MPP3: variants seen among roughly 807,000 people sequenced by gnomAD.
MPP3 encodes the protein MAGUK p55 subfamily member 3.
MPP3 carries 48 observed loss-of-function variants against 80.7 expected under a neutral mutation model. That is an observed-to-expected ratio of 0.59 (90% confidence interval 0.47 to 0.76). The LOEUF (loss-of-function observed/expected upper bound fraction) is 0.76. MPP3 is among the 30% of genes least tolerant of loss of function. The pLI is 0.00. For synonymous variants in MPP3, 311 were observed against 297.6 expected (o/e 1.04, Z -0.46); for missense variants, 620 against 763.0 (o/e 0.81, Z 2.21).
At chr17:43,816,131 G>A (rs762715936) in intron 13 of MPP3, 52 bp from the exon 14 acceptor site, 27 of 1,463,980 alleles carry the variant, frequency 1.8e-5, no homozygotes, top group East Asian at 2.7e-5. Flanking sequence ...AGACACATCC[G>A]GCCCAGGGCA....
At chr17:43,822,277 C>T (rs927605580) in intron 10 of MPP3, among the ~76,000 whole-genome samples, 2 of 152,198 alleles carry the variant, frequency 1.3e-5, no homozygotes, top group African/African-American at 4.8e-5. Flanking sequence ...AAGACGTAGT[C>T]CATTACAAAT....
chr17:43,804,742 G>GT (rs1168509255), intron 19 of MPP3, among the ~76,000 whole-genome samples: 1 of 152,158 alleles, frequency 6.6e-6, no homozygotes, highest in African/African-American at 2.4e-5. Context: ...TATCAAGAAA[G>GT]TAAGGACCAG....
At chr17:43,814,544 C>A (rs1351817404) in intron 14 of MPP3, 183 bp from the exon 15 acceptor site, 4 of 549,194 alleles carry the variant, frequency 7.3e-6, no homozygotes, top group Non-Finnish European at 9.3e-6. Context: ...GAAAGGGTGA[C>A]CCCTGCATTC....
At chr17:43,829,837 G>T in intron 6 of MPP3, 46 bp from the exon 7 acceptor site, 1 of 1,611,942 alleles carries the variant, frequency 6.2e-7, no homozygotes, top group South Asian at 1.1e-5. Context: ...GCCGCTCACA[G>T]GGTCAGCAGG....
At chr17:43,829,511 G>C in intron 7 of MPP3, 143 bp downstream of exon 7, 1 of 934,484 alleles carries the variant, frequency 1.1e-6, no homozygotes, top group Non-Finnish European at 1.6e-6. Flanking sequence ...TGCACACAGA[G>C]GCACCACAGG....
chr17:43,815,818 G>A (rs766853306), intron 14 of MPP3: 10 of 675,812 alleles, frequency 1.5e-5, no homozygotes, highest in South Asian at 1.1e-4. Flanking sequence ...CGCCAGGGCA[G>A]TGTGCCCCAC....
intron 19 of MPP3, among the ~76,000 whole-genome samples, chr17:43,804,876 G>A (rs562534057): frequency 1.3e-5 from 2 of 152,242 alleles, no homozygotes; most frequent in South Asian, 2.1e-4. Context: ...GAAATTAGCC[G>A]AGCATGATGG....
intron 8 of MPP3, 113 bp from the exon 9 acceptor site, chr17:43,825,954 G>A (rs1009943361): frequency 4.8e-5 from 33 of 686,738 alleles, no homozygotes; most frequent in African/African-American, 7.1e-5. Flanking sequence ...GGGCCAACTC[G>A]AGGTTTAAAG....
intron 10 of MPP3, among the ~76,000 whole-genome samples, 169 bp downstream of exon 10, chr17:43,823,762 A>G (rs1943571408): frequency 6.6e-6 from 1 of 152,202 alleles, no homozygotes; most frequent in South Asian, 2.1e-4. Flanking sequence ...AAACAAATGC[A>G]TCACTTTGTG....
rs541064333 is a variant in MPP3 at position 43,817,655 on chromosome 17, C to T, written c.946+391G>A. On this transcript the variant is annotated intron_variant, in intron 12 of 19. Coordinates refer to ENST00000398389, the MANE Select transcript of MPP3 (RefSeq NM_001932.6). ...GGCAATCTGGCAGCCCTACCAGAGGCACCAGGTCACACATGGCCTTCTCCA... is the reference window on the plus strand; with the variant it reads ...GGCAATCTGGCAGCCCTACCAGAGGTACCAGGTCACACATGGCCTTCTCCA... Among the ~76,000 whole-genome samples, 15 of 152,330 alleles carry T rather than the reference C, an allele frequency of 9.8e-5. No homozygotes were observed. The East Asian group carries it at 2.5e-3, about 25-fold the overall frequency.
chr17:43,827,645 G>A (rs1206003460), intron 8 of MPP3, 106 bp downstream of exon 8: 5 of 1,032,430 alleles, frequency 4.8e-6, no homozygotes, highest in Non-Finnish European at 7.2e-6. Context: ...ATCCCAAACA[G>A]GTGACCTGAT....
At chr17:43,820,012 A>G (rs912087614) in intron 11 of MPP3, among the ~76,000 whole-genome samples, 1 of 152,026 alleles carries the variant, frequency 6.6e-6, no homozygotes, top group Non-Finnish European at 1.5e-5. Context: ...TGGTGTGATA[A>G]CAGCTCACTG....
chr17:43,814,444 C>T, intron 14 of MPP3, 83 bp from the exon 15 acceptor site: 1 of 1,438,748 alleles, frequency 7.0e-7, no homozygotes, highest in Non-Finnish European at 9.3e-7. Flanking sequence ...CCCACCTGGC[C>T]AGACCTGGAG....
intron 10 of MPP3, 101 bp downstream of exon 10, chr17:43,823,830 C>G: frequency 2.5e-6 from 2 of 807,528 alleles, no homozygotes; most frequent in Non-Finnish European, 4.1e-6. Flanking sequence ...ATGATCTGTT[C>G]GCAAATGACT....
rs2044435089 is a variant in MPP3, at chr17:43,802,152, A to C, written c.1582-275T>G. 2.6e-5 allele frequency among the ~76,000 whole-genome samples: 4 copies of C among 152,320 alleles called. No homozygotes were observed. In the South Asian group the frequency reaches 8.3e-4, roughly 32 times the overall value. ...CCTATGAACTCAAAGCCACGATAGG[A>C]AGTGCATTGGGGATGCTGATTCTAT... On this transcript the variant is annotated intron_variant, in intron 19 of 19. Coordinates refer to ENST00000398389, the MANE Select transcript of MPP3 (RefSeq NM_001932.6).
At chr17:43,816,560 C>T (rs1035045884) in intron 13 of MPP3, 117 bp downstream of exon 13, 1 of 956,010 alleles carries the variant, frequency 1.0e-6, no homozygotes, top group South Asian at 1.4e-5. Context: ...AAGAGGTGCG[C>T]AGACAGTGGG....
At chr17:43,813,983 A>T in intron 16 of MPP3, 28 bp downstream of exon 16, 1 of 1,558,106 alleles carries the variant, frequency 6.4e-7, no homozygotes, top group Non-Finnish European at 8.8e-7. Context: ...GTGCAGACAA[A>T]CACACACTCC....
In MPP3 at chr17:43,830,043, G is replaced by A; in HGVS notation, c.287C>T (p.Ser96Phe). 9 of 1,596,450 alleles carry A rather than the reference G, an allele frequency of 5.6e-6. No homozygotes were observed. The highest frequency in any genetic ancestry group is 7.7e-6 in the Non-Finnish European group (9 of 1,172,886). ...TGTGACTACCCTCAGGTGCGGGGTGGACAGCAGCTGGAGCAGCTCCCTCTC... is the reference window on the plus strand; with the variant it reads ...TGTGACTACCCTCAGGTGCGGGGTGAACAGCAGCTGGAGCAGCTCCCTCTC... ...SDERELLQLL[S>F]TPHLRAVLMV... is the part of the protein sequence containing the mutation. The change falls in exon 6 of 20, where the codon TCC (serine) becomes TTC (phenylalanine). Residue 96 changes from serine (S) to phenylalanine (F), a missense_variant. Ser to Phe is a radical substitution (Grantham distance 155). Transcript: ENST00000398389.
At chr17:43,822,635 C>T (rs16940243) in intron 10 of MPP3, among the ~76,000 whole-genome samples, 1 of 124,326 alleles carries the variant, frequency 8.0e-6, no homozygotes, top group Non-Finnish European at 1.6e-5. Flanking sequence ...GGCTGCCTCA[C>T]GGAGCTTTCT....
Sources: gnomAD v4.1 joint callset for allele counts (sites outside exome capture counted in the v4.1 genomes callset) on GRCh38, gnomAD v4.1.1 for gene constraint, MANE v1.5 for transcripts, NCBI Gene and HGNC (gene_info 2026-07-23, HGNC 2026-07-21) for gene names.